The following CD180 variants were observed in gnomAD, a reference collection of about 807,000 sequenced individuals.
CD180 encodes CD180 molecule, also known as CD180 antigen.
CD180 carries 11 observed loss-of-function variants against 10.7 expected under a neutral mutation model. That is an observed-to-expected ratio of 1.03 (90% CI 0.65 to 1.70). CD180 has a LOEUF of 1.70. CD180 is among the 40% of genes most tolerant of loss of function. The probability of loss-of-function intolerance (pLI) is 0.00; values close to 1 mark genes in which losing one functional copy is unlikely to be tolerated. For synonymous variants in CD180, 286 were observed against 294.6 expected (o/e 0.97, Z 0.30); for missense variants, 729 against 775.2 (o/e 0.94, Z 0.71).
chr5:67,180,316 A>G lies in CD180; in HGVS notation c.*2541T>C, dbSNP rs1359850570. 6.6e-6 allele frequency: 1 copy of G among 152,254 alleles called. No homozygotes were observed. Among genetic ancestry groups the G allele is most frequent in the Non-Finnish European group, 1.5e-5 (1 of 68,052 alleles). The allele number at this position is 152,254 out of a possible 1,614,324, so 9.4% of individuals were successfully genotyped here. A position where few individuals can be genotyped will look rare whatever the true frequency, so the allele number is the denominator to read the frequency against. On this transcript the variant is annotated 3_prime_UTR_variant, in exon 3 of 3. Coordinates refer to ENST00000256447, the MANE Select transcript of CD180 (RefSeq NM_005582.3). ...CATATTAAATATTATGGAGGGCAGTATGTCTATGGGTTGGTAAATCAGCAA... is the reference window on the plus strand; with the variant it reads ...CATATTAAATATTATGGAGGGCAGTGTGTCTATGGGTTGGTAAATCAGCAA...
Position 67,183,012 on chromosome 5 carries a change from G to C in CD180, c.1831C>G (p.Pro611Ala), listed in dbSNP as rs1476941679. Residue 611 changes from proline to alanine, a missense_variant, in exon 3 of 3, where the codon CCA becomes GCA. Coordinates refer to ENST00000256447, the MANE Select transcript of CD180 (RefSeq NM_005582.3). ...GATAGCTTAACTCCCCTTAGAGATG[G>C]CGGGTTTGCACACGTGGTCTCCTCC... ...GSEETTCANP[P>A]SLRGVKLSDV... The C allele has an allele frequency of 6.8e-6, 11 of 1,614,104 alleles. No individual in the cohort carries two copies. The highest frequency in any genetic ancestry group is 7.6e-6 in the Non-Finnish European group (9 of 1,180,038).
chr5:67,193,139 C>G (rs561741090), intron 1 of CD180, among the ~76,000 whole-genome samples: 1 of 152,242 alleles, frequency 6.6e-6, no homozygotes, highest in African/African-American at 2.4e-5. Context: ...AGTTTGCGAA[C>G]TGTTCATTGG....
chr5:67,188,993 C>T (rs781025881), intron 1 of CD180, among the ~76,000 whole-genome samples: 25 of 152,160 alleles, frequency 1.6e-4, no homozygotes, highest in Non-Finnish European at 3.5e-4. Context: ...CCTCAGTGCC[C>T]ATGAATATGG....
intron 2 of CD180, among the ~76,000 whole-genome samples, chr5:67,184,893 T>C: frequency 6.6e-6 from 1 of 152,076 alleles, no homozygotes; most frequent in Non-Finnish European, 1.5e-5. Flanking sequence ...CTGTTTTAAG[T>C]AATACAAAAT....
Position 67,183,594 on chromosome 5 carries a change from T to A in CD180, c.1249A>T (p.Lys417Ter). The change falls in exon 3 of 3, where the codon AAA (lysine) becomes TAA (stop). Residue 417 changes from lysine to a stop codon, truncating the protein, a stop_gained. Coordinates refer to ENST00000256447, the MANE Select transcript of CD180 (RefSeq NM_005582.3). LOFTEE classifies it low-confidence loss of function (END_TRUNC). ...AGGAGTTCTAGCTGAGGACATTCTT[T>A]GAATGCCTGACTCTGGAGACCAAGA... ...EPLGLQSQAF[K>*]ECPQLELLDL... The A allele has an allele frequency of 1.2e-6, 2 of 1,614,198 alleles. No individual in the cohort carries two copies. Among genetic ancestry groups the A allele is most frequent in the Non-Finnish European group, 1.7e-6 (2 of 1,180,020 alleles).
At position 67,183,606 on chromosome 5, in the gene CD180, T is replaced by C; in HGVS notation, c.1237A>G (p.Ser413Gly). The change falls in exon 3 of 3, where the codon AGT becomes GGT. Residue 413 changes from serine to glycine, a missense_variant. Ser to Gly is a moderately conservative substitution (Grantham distance 56). Coordinates refer to ENST00000256447, the MANE Select transcript of CD180 (RefSeq NM_005582.3). The stretch of plus-strand genomic sequence containing the variant: ...TGAGGACATTCTTTGAATGCCTGAC[T>C]CTGGAGACCAAGAGGCTCATTGTGG... ...LSHNEPLGLQ[S>G]QAFKECPQLE... 1.9e-6 allele frequency: 3 copies of C among 1,614,224 alleles called. No individual in the cohort carries two copies. The highest frequency in any genetic ancestry group is 2.5e-6 in the Non-Finnish European group (3 of 1,180,034).
intron 1 of CD180, among the ~76,000 whole-genome samples, chr5:67,187,895 C>T (rs769595102): frequency 5.3e-5 from 8 of 152,002 alleles, no homozygotes; most frequent in Non-Finnish European, 1.0e-4. Context: ...TTAGTTATCG[C>T]GGGACTGGAC....
intron 1 of CD180, among the ~76,000 whole-genome samples, chr5:67,194,908 A>C (rs1742371808): frequency 6.6e-6 from 1 of 152,212 alleles, no homozygotes; most frequent in Admixed American, 6.5e-5. Context: ...TAAAGAGGTC[A>C]TTAAGGGAAG....
In CD180 at chr5:67,185,995, T is replaced by G. The variant is rs560455986; in HGVS notation, c.113A>C (p.Asn38Thr). Residue 38 changes from asparagine to threonine, a missense_variant, in exon 2 of 3, where the codon AAC becomes ACC. By Grantham distance (65) the Asn-to-Thr change is moderately conservative. Transcript: ENST00000256447. ...CIEKEANKTY[N>T]CENLGLSEIP... ...TTCACTGAGACCTAAATTTTCACAGTTATATGTTTTGTTGGCTTCTTTCTG... is the reference window on the plus strand; with the variant it reads ...TTCACTGAGACCTAAATTTTCACAGGTATATGTTTTGTTGGCTTCTTTCTG... The G allele has an allele frequency of 6.3e-7, 1 of 1,594,054 alleles. No individual in the cohort carries two copies. The highest frequency in any genetic ancestry group is 2.3e-5 in the East Asian group (1 of 44,374).
At chr5:67,189,662 A>C (rs377121922) in intron 1 of CD180, among the ~76,000 whole-genome samples, 4 of 152,296 alleles carry the variant, frequency 2.6e-5, no homozygotes, top group East Asian at 3.9e-4. Flanking sequence ...TTGTATCATC[A>C]AAATGGCCAC....
chr5:67,192,411 G>GAAA (rs998909275), intron 1 of CD180, among the ~76,000 whole-genome samples: 1 of 151,898 alleles, frequency 6.6e-6, no homozygotes, highest in Admixed American at 6.6e-5. Flanking sequence ...AAGAAAGAAA[G>GAAA]AAAAAAGAAA....
In CD180 at chr5:67,184,505, A is replaced by C. The variant is rs759832112; in HGVS notation, c.338T>G (p.Leu113Arg). The change falls in exon 3 of 3, where the codon CTG (leucine) becomes CGG (arginine). Residue 113 changes from leucine (L) to arginine (R), a missense_variant. By Grantham distance (102) the Leu-to-Arg change is moderately radical. Transcript: ENST00000256447. ...LSTLVLTGNP[L>R]IFMAETSLNG... ...AAGCGATGTTTCTGCCATGAATATC[A>C]GGGGATTTCCAGTTAACACAAGTGT... is the stretch of plus-strand genomic sequence containing the variant. 6.2e-7 allele frequency: 1 copy of C among 1,613,892 alleles called. No individual in the cohort carries two copies. The highest frequency in any genetic ancestry group is 1.3e-5 in the African/African-American group (1 of 74,934).
chr5:67,195,346 A>T (rs2151169656), intron 1 of CD180, among the ~76,000 whole-genome samples: 1 of 152,230 alleles, frequency 6.6e-6, no homozygotes, highest in African/African-American at 2.4e-5. Flanking sequence ...CCTCCCGAGT[A>T]GTTGGGATTA....
intron 1 of CD180, among the ~76,000 whole-genome samples, chr5:67,195,041 G>A (rs1742373524): frequency 6.6e-6 from 1 of 152,204 alleles, no homozygotes; most frequent in Non-Finnish European, 1.5e-5. Flanking sequence ...AGGACACAGA[G>A]AGAAGATGGC....
intron 1 of CD180, among the ~76,000 whole-genome samples, chr5:67,189,748 T>C (rs1307255513): frequency 6.6e-6 from 1 of 152,134 alleles, no homozygotes; most frequent in East Asian, 1.9e-4. Flanking sequence ...ACTATTGTAA[T>C]TTTTTAAGGC....
chr5:67,195,509 G>A (rs987879236), intron 1 of CD180, among the ~76,000 whole-genome samples: 29 of 152,188 alleles, frequency 1.9e-4, no homozygotes, highest in Admixed American at 1.4e-3. Flanking sequence ...GAGCCACCAC[G>A]CCTGGCCCAG....
rs1442137524 is a variant in CD180 at position 67,180,212 on chromosome 5, G to A, written c.*2645C>T. On this transcript the variant is annotated 3_prime_UTR_variant, in exon 3 of 3. Transcript: ENST00000256447. ...GGATGGGCAATTATGCTTTGCTAAG[G>A]CCTGGGCCCCTTTCATTGTTAGTGT... The A allele has an allele frequency of 1.3e-5, 2 of 152,250 alleles. No individual in the cohort carries two copies. Among genetic ancestry groups the A allele is most frequent in the Non-Finnish European group, 2.9e-5 (2 of 68,044 alleles). 9.4% of individuals were successfully genotyped at this position (152,250 alleles called of 1,614,324 possible).
intron 1 of CD180, among the ~76,000 whole-genome samples, chr5:67,188,278 T>G (rs868201245): frequency 1.1e-4 from 17 of 152,306 alleles, no homozygotes; most frequent in Middle Eastern, 6.8e-3. Flanking sequence ...CCTCACCAGA[T>G]ACCAGAGCCA....
intron 1 of CD180, among the ~76,000 whole-genome samples, chr5:67,192,209 T>C (rs1196532902): frequency 6.6e-6 from 1 of 151,954 alleles, no homozygotes; most frequent in Non-Finnish European, 1.5e-5. Context: ...GCTGACAAGG[T>C]GAAACTCCGT....
Sources: allele counts gnomAD v4.1 joint callset (sites outside exome capture counted in the v4.1 genomes callset), GRCh38; gene constraint gnomAD v4.1.1; transcripts MANE v1.5; gene names NCBI Gene and HGNC (gene_info 2026-07-23, HGNC 2026-07-21).